Variants in PLXDC2 observed in about 807,000 individuals in gnomAD.
PLXDC2 encodes plexin domain containing 2.
Under a neutral mutation model 68.9 loss-of-function variants are expected in PLXDC2, and 40 were observed. The observed-to-expected ratio is 0.58, with a 90% confidence interval of 0.45 to 0.76. The LOEUF (loss-of-function observed/expected upper bound fraction) is 0.76. Among genes scored for constraint, PLXDC2 ranks in the 30% least tolerant of loss-of-function variants. The pLI, the probability that PLXDC2 is intolerant of heterozygous loss-of-function variation, is 0.00. For synonymous variants in PLXDC2, 243 were observed against 234.2 expected (o/e 1.04, Z -0.34); for missense variants, 644 against 661.9 (o/e 0.97, Z 0.30).
chr10:19,878,527 A>G (rs1434423197), intron 1 of PLXDC2, among the ~76,000 whole-genome samples: 1 of 152,236 alleles, frequency 6.6e-6, no homozygotes, highest in Non-Finnish European at 1.5e-5. Flanking sequence ...GAATGATAGA[A>G]TTCCCAAAGA....
chr10:20,205,737 T>C (rs769334980), intron 9 of PLXDC2, among the ~76,000 whole-genome samples: 1 of 152,094 alleles, frequency 6.6e-6, no homozygotes, highest in Non-Finnish European at 1.5e-5. Context: ...AGCTAACAGT[T>C]ACTTAATCTT....
intron 1 of PLXDC2, among the ~76,000 whole-genome samples, chr10:19,916,617 ATTAT>A (rs1833371539): frequency 6.6e-6 from 1 of 152,144 alleles, no homozygotes; most frequent in African/African-American, 2.4e-5. Flanking sequence ...TTAGGAAATG[ATTAT>A]TTATTATTAT....
intron 4 of PLXDC2, among the ~76,000 whole-genome samples, chr10:20,126,306 C>T (rs117325916): frequency 0.033 from 4,140 of 124,694 alleles, 106 homozygotes; most frequent in South Asian, 0.081. Context: ...CATATATACA[C>T]ATACGTTATA....
At chr10:19,831,820 T>C (rs1191853974) in intron 1 of PLXDC2, among the ~76,000 whole-genome samples, 2 of 152,218 alleles carry the variant, frequency 1.3e-5, no homozygotes, top group African/African-American at 4.8e-5. Flanking sequence ...CTTCATTCAG[T>C]CCATCACTGA....
intron 4 of PLXDC2, among the ~76,000 whole-genome samples, chr10:20,115,145 G>C (rs1357820240): frequency 6.6e-6 from 1 of 152,042 alleles, no homozygotes; most frequent in Non-Finnish European, 1.5e-5. Flanking sequence ...TAAACCAGAG[G>C]GCCAGCACGT....
chr10:19,857,063 G>A (rs1254378963), intron 1 of PLXDC2, among the ~76,000 whole-genome samples: 1 of 152,124 alleles, frequency 6.6e-6, no homozygotes, highest in African/African-American at 2.4e-5. Context: ...TGCCCTTTAA[G>A]TAGACTATTT....
At chr10:19,953,398 C>G (rs1834021395) in intron 1 of PLXDC2, among the ~76,000 whole-genome samples, 2 of 152,132 alleles carry the variant, frequency 1.3e-5, no homozygotes, top group South Asian at 2.1e-4. Context: ...GATGTATATA[C>G]CTGTGAGTGT....
chr10:19,971,560 T>A (rs1055498079), intron 1 of PLXDC2, among the ~76,000 whole-genome samples: 1 of 152,028 alleles, frequency 6.6e-6, no homozygotes, highest in Non-Finnish European at 1.5e-5. Context: ...GATGTAAAGG[T>A]TGGGGTTTGA....
intron 1 of PLXDC2, among the ~76,000 whole-genome samples, chr10:19,898,753 T>C (rs1838107398): frequency 6.6e-6 from 1 of 152,194 alleles, no homozygotes; most frequent in African/African-American, 2.4e-5. Flanking sequence ...TCCTTGCCCA[T>C]AGACGTGTTT....
chr10:19,877,431 C>T (rs1267612983), intron 1 of PLXDC2, among the ~76,000 whole-genome samples: 4 of 152,310 alleles, frequency 2.6e-5, no homozygotes, highest in Non-Finnish European at 5.9e-5. Flanking sequence ...GGGCACATGG[C>T]TTATTAGCTT....
intron 2 of PLXDC2, among the ~76,000 whole-genome samples, chr10:20,041,447 A>G (rs934388675): frequency 2.0e-5 from 3 of 152,172 alleles, no homozygotes; most frequent in African/African-American, 7.2e-5. Flanking sequence ...CTAGAGGCCT[A>G]TAAGATTTCC....
chr10:19,909,367 G>A (rs896694099), intron 1 of PLXDC2, among the ~76,000 whole-genome samples: 13 of 152,016 alleles, frequency 8.6e-5, no homozygotes, highest in South Asian at 6.2e-4. Context: ...AATTTATCCC[G>A]GAGACATACC....
At chr10:20,009,510 G>A (rs74632300) in intron 2 of PLXDC2, among the ~76,000 whole-genome samples, 2 of 151,984 alleles carry the variant, frequency 1.3e-5, no homozygotes, top group Non-Finnish European at 1.5e-5. Context: ...ACCTCCAAGT[G>A]TATTGAAATC....
chr10:19,932,884 T>A (rs879315340), intron 1 of PLXDC2, among the ~76,000 whole-genome samples: 4 of 152,138 alleles, frequency 2.6e-5, no homozygotes, highest in Non-Finnish European at 4.4e-5. Flanking sequence ...TGACTTTGGG[T>A]CAAGTAGAAA....
intron 2 of PLXDC2, among the ~76,000 whole-genome samples, chr10:20,022,494 G>A (rs1001472039): frequency 1.2e-4 from 19 of 152,136 alleles, no homozygotes; most frequent in Non-Finnish European, 4.4e-5. Flanking sequence ...AGCCACATGA[G>A]GGACTGCATT....
intron 2 of PLXDC2, among the ~76,000 whole-genome samples, chr10:20,025,888 TATTA>T (rs1835392726): frequency 6.6e-6 from 1 of 151,666 alleles, no homozygotes; most frequent in Admixed American, 6.6e-5. Context: ...TAATTTTATA[TATTA>T]ATTAACTAAA....
chr10:19,823,668 C>G (rs954979004), intron 1 of PLXDC2, among the ~76,000 whole-genome samples: 1 of 148,158 alleles, frequency 6.7e-6, no homozygotes, highest in Non-Finnish European at 1.5e-5. Flanking sequence ...AAGACTTCAT[C>G]TCAAAAAAAA....
At chr10:20,273,347 A>G (rs775884331) in intron 13 of PLXDC2, among the ~76,000 whole-genome samples, 10 of 152,134 alleles carry the variant, frequency 6.6e-5, no homozygotes, top group Non-Finnish European at 1.3e-4. Context: ...CTTTATAGCC[A>G]TTATTATTAA....
intron 4 of PLXDC2, among the ~76,000 whole-genome samples, chr10:20,116,307 C>A (rs566969964): frequency 3.2e-3 from 481 of 152,244 alleles, no homozygotes; most frequent in South Asian, 4.8e-3. Flanking sequence ...CTTGGAAGGT[C>A]TTTTTCTCTT....
Sources: gnomAD v4.1 joint callset for allele counts (sites outside exome capture counted in the v4.1 genomes callset) on GRCh38, gnomAD v4.1.1 for gene constraint, MANE v1.5 for transcripts, NCBI Gene and HGNC (gene_info 2026-07-23, HGNC 2026-07-21) for gene names.